RNF216: variants seen among roughly 807,000 people sequenced by gnomAD.
RNF216 encodes ring finger protein 216.
In RNF216, 72 loss-of-function variants were observed where a neutral mutation model predicts 110.8. The observed-to-expected ratio is 0.65, with a 90% CI of 0.54 to 0.79. The LOEUF is 0.79. Ranked by LOEUF, RNF216 falls within the 30% of genes least tolerant of loss-of-function variation. The pLI is 0.00. For missense variants in RNF216, 1,342 were observed against 1,141.2 expected (o/e 1.18, Z -2.54); for synonymous variants, 495 against 407.5 (o/e 1.21, Z -2.59).
At chr7:5,717,595 C>A (rs1001369297) in intron 9 of RNF216, among the ~76,000 whole-genome samples, 2 of 152,080 alleles carry the variant, frequency 1.3e-5, no homozygotes, top group Non-Finnish European at 2.9e-5. Flanking sequence ...ATAGCAAAAA[C>A]CTGGAAACAA....
Position 5,718,284 on chromosome 7 carries a change from G to A in RNF216, c.1645-1518C>T, listed in dbSNP as rs186755206. On this transcript the variant is annotated intron_variant, in intron 9 of 16. Transcript: ENST00000389902. ...TAATCCCAGCTACTAAGGTGGCTGA[G>A]GCAGGAGAAGCCCTTGAACCCAGGA... Among the ~76,000 whole-genome samples the A allele has an allele frequency of 2.0e-3, 298 of 152,230 alleles. 1 individual carries two copies. Among genetic ancestry groups the A allele is most frequent in the Non-Finnish European group, 3.6e-3 (243 of 68,026 alleles).
intron 1 of RNF216, among the ~76,000 whole-genome samples, chr7:5,764,379 G>T (rs1246238389): frequency 6.6e-6 from 1 of 152,036 alleles, no homozygotes; most frequent in African/African-American, 2.4e-5. Context: ...TGGGCTTGGT[G>T]GCTCACACCT....
chr7:5,769,408 G>A (rs983922258), intron 1 of RNF216, among the ~76,000 whole-genome samples: 5 of 149,964 alleles, frequency 3.3e-5, no homozygotes, highest in African/African-American at 9.7e-5. Context: ...GAGCCACCGC[G>A]CCTGGCCGCA....
At chr7:5,701,216 G>C (rs946664468) in intron 13 of RNF216, among the ~76,000 whole-genome samples, 13 of 152,120 alleles carry the variant, frequency 8.5e-5, no homozygotes, top group African/African-American at 3.1e-4. Context: ...GAATGTATCA[G>C]TTAGCAAAAA....
chr7:5,702,350 G>C (rs1367086679), intron 13 of RNF216, among the ~76,000 whole-genome samples: 1 of 152,088 alleles, frequency 6.6e-6, no homozygotes, highest in Non-Finnish European at 1.5e-5. Flanking sequence ...AAATACAGGG[G>C]TAAAAAACTA....
intron 5 of RNF216, among the ~76,000 whole-genome samples, chr7:5,738,499 G>C (rs757237302): frequency 6.6e-6 from 1 of 152,118 alleles, no homozygotes; most frequent in Admixed American, 6.5e-5. Flanking sequence ...ACGAGGTCAG[G>C]AGATCGAGAC....
intron 16 of RNF216, 118 bp downstream of exon 16, chr7:5,623,938 G>C (rs1369481149): frequency 9.7e-6 from 8 of 824,306 alleles, no homozygotes; most frequent in Non-Finnish European, 1.5e-5. Flanking sequence ...GCCACCTGAG[G>C]GACAGCACCC....
chr7:5,640,877 C>G (rs1332317755), intron 15 of RNF216, among the ~76,000 whole-genome samples: 1 of 152,162 alleles, frequency 6.6e-6, no homozygotes, highest in Non-Finnish European at 1.5e-5. Flanking sequence ...GTGTAAGTTT[C>G]CTTACTTTGC....
At chr7:5,689,397 G>GA (rs1221586048) in intron 13 of RNF216, among the ~76,000 whole-genome samples, 1 of 149,094 alleles carries the variant, frequency 6.7e-6, no homozygotes, top group Non-Finnish European at 1.5e-5. Flanking sequence ...GAAGAAAAGT[G>GA]AAAGGCAAAA....
intron 5 of RNF216, among the ~76,000 whole-genome samples, chr7:5,737,256 T>C (rs914098912): frequency 3.6e-4 from 55 of 152,176 alleles, no homozygotes; most frequent in Non-Finnish European, 4.4e-4. Context: ...ATGTGCTGTG[T>C]CCACTCAGGG....
At chr7:5,707,500 A>G (rs1792367531) in intron 13 of RNF216, among the ~76,000 whole-genome samples, 1 of 152,110 alleles carries the variant, frequency 6.6e-6, no homozygotes, top group Non-Finnish European at 1.5e-5. Flanking sequence ...TTTACTGAAT[A>G]TATTAATTCT....
intron 3 of RNF216, among the ~76,000 whole-genome samples, chr7:5,745,546 G>C (rs1794986330): frequency 6.6e-6 from 1 of 152,120 alleles, no homozygotes; most frequent in Non-Finnish European, 1.5e-5. Context: ...GAAATTAAGA[G>C]TCAACTGAAA....
At chr7:5,648,373 C>G (rs1788177137) in intron 14 of RNF216, among the ~76,000 whole-genome samples, 1 of 151,650 alleles carries the variant, frequency 6.6e-6, no homozygotes, top group Non-Finnish European at 1.5e-5. Context: ...TCCCAAAGTG[C>G]TGGGGTTACA....
At chr7:5,687,421 G>GA (rs1436027091) in intron 13 of RNF216, among the ~76,000 whole-genome samples, 2 of 142,264 alleles carry the variant, frequency 1.4e-5, no homozygotes, top group African/African-American at 5.4e-5. Context: ...AAAAGAAAAA[G>GA]AAAAGAAAAG....
chr7:5,754,922 G>T (rs1332532144), intron 2 of RNF216, among the ~76,000 whole-genome samples: 1 of 151,896 alleles, frequency 6.6e-6, no homozygotes, highest in East Asian at 1.9e-4. Context: ...CAGCTACCTG[G>T]GAGACTGAGG....
At chr7:5,734,592 A>G (rs1034523954) in intron 5 of RNF216, among the ~76,000 whole-genome samples, 6 of 141,094 alleles carry the variant, frequency 4.3e-5, no homozygotes, top group Admixed American at 3.5e-4. Context: ...TGGCATGTAA[A>G]TAACCAAATG....
chr7:5,646,470 G>C (rs1484669335), intron 14 of RNF216, among the ~76,000 whole-genome samples: 2 of 152,104 alleles, frequency 1.3e-5, no homozygotes, highest in African/African-American at 2.4e-5. Flanking sequence ...GAGGCGGGCA[G>C]ATAATGAGGT....
At chr7:5,747,469 A>G (rs191768447) in intron 3 of RNF216, among the ~76,000 whole-genome samples, 21 of 152,376 alleles carry the variant, frequency 1.4e-4, no homozygotes, top group African/African-American at 5.0e-4. Context: ...AGCCTGAAAT[A>G]TCAGACGTGA....
intron 13 of RNF216, among the ~76,000 whole-genome samples, chr7:5,697,072 G>A (rs1167647188): frequency 7.6e-6 from 1 of 131,142 alleles, no homozygotes; most frequent in Non-Finnish European, 1.8e-5. Flanking sequence ...CCTCAACAGG[G>A]TCTATTTATC....
Sources: allele counts gnomAD v4.1 joint callset (sites outside exome capture counted in the v4.1 genomes callset), GRCh38; gene constraint gnomAD v4.1.1; transcripts MANE v1.5; gene names NCBI Gene and HGNC (gene_info 2026-07-23, HGNC 2026-07-21).